The following IQSEC1 variants were observed in gnomAD, a reference collection of about 807,000 sequenced individuals.
IQSEC1 encodes the protein IQ motif and SEC7 domain-containing protein 1.
A neutral mutation model predicts 91.0 loss-of-function variants in IQSEC1; 31 were observed. That is an observed-to-expected ratio of 0.34 (90% CI 0.26 to 0.46). The LOEUF is 0.46. Among genes scored for constraint, IQSEC1 ranks in the 20% least tolerant of loss-of-function variants. The pLI is 1.00. For synonymous variants in IQSEC1, 699 were observed against 662.6 expected (o/e 1.05, Z -0.84); for missense variants, 1,388 against 1,575.6 (o/e 0.88, Z 2.02).
intron 3 of IQSEC1, among the ~76,000 whole-genome samples, chr3:12,928,646 C>A (rs913008200): frequency 1.3e-5 from 2 of 152,244 alleles, no homozygotes; most frequent in African/African-American, 4.8e-5. Context: ...CTTCCCCAAT[C>A]AGTCCTTGGT....
intron 1 of IQSEC1, among the ~76,000 whole-genome samples, chr3:12,990,167 C>G (rs532783791): frequency 6.6e-6 from 1 of 152,202 alleles, no homozygotes. Flanking sequence ...TGATAGCTTT[C>G]CACCAAGTCC....
At chr3:13,083,119 G>A (rs1262537116) in intron 2 of IQSEC1, among the ~76,000 whole-genome samples, 1 of 152,222 alleles carries the variant, frequency 6.6e-6, no homozygotes. Context: ...GACAATGTCT[G>A]TCAGTCACTG....
At chr3:13,141,077 G>A (rs1706792928) in intron 2 of IQSEC1, among the ~76,000 whole-genome samples, 1 of 152,244 alleles carries the variant, frequency 6.6e-6, no homozygotes, top group African/African-American at 2.4e-5. Context: ...AGAGTTTGAT[G>A]TTTATTTCCT....
rs1701364837 is a variant in IQSEC1, at chr3:12,979,799, A to G, written c.24-37934T>C. Among the ~76,000 whole-genome samples the G allele has an allele frequency of 6.6e-6, 1 of 152,170 alleles. No individual in the cohort carries two copies. The highest frequency in any genetic ancestry group is 1.5e-5 in the Non-Finnish European group (1 of 68,026). ...TCCAGGTGGTATGCTCCATGTCACC[A>G]AGAGCTGAGCCTGTGCCTCACCCGG... On this transcript the variant is annotated intron_variant, in intron 1 of 13. Coordinates refer to ENST00000613206, the MANE Select transcript of IQSEC1 (RefSeq NM_001134382.3). The surrounding 1 kb of genome is among the most constrained non-coding windows in gnomAD (Gnocchi z 4.3).
At chr3:13,028,338 C>T (rs577575123) in intron 1 of IQSEC1, among the ~76,000 whole-genome samples, 4 of 152,324 alleles carry the variant, frequency 2.6e-5, no homozygotes, top group South Asian at 2.1e-4. Flanking sequence ...GACTGCTCAC[C>T]GTCTGGCCTC....
At chr3:13,073,739 GCT>G (rs1362167357), upstream of IQSEC1, among the ~76,000 whole-genome samples, 1 of 152,266 alleles carries the variant, frequency 6.6e-6, no homozygotes, top group East Asian at 1.9e-4. Context: ...GAGCCGCGGA[GCT>G]CTCGGGGCTC....
rs555937253 is a variant in IQSEC1 at position 13,022,377 on chromosome 3, G to A, written c.23+50615C>T. 24 of 1,149,088 alleles carry A rather than the reference G, an allele frequency of 2.1e-5. No homozygotes were observed. The African/African-American group carries it at 2.7e-4, about 13-fold the overall frequency. The allele number at this position is 1,149,088 out of a possible 1,614,324, so 71.2% of individuals were successfully genotyped here. On this transcript the variant is annotated intron_variant, in intron 1 of 13. Transcript: ENST00000613206. ...CTGCTCCAGACCCTCCTGGCCAAGCGGCCCTCACACACTAGACCCTGTGGC... is the reference window on the plus strand; with the variant it reads ...CTGCTCCAGACCCTCCTGGCCAAGCAGCCCTCACACACTAGACCCTGTGGC...
intron 1 of IQSEC1, among the ~76,000 whole-genome samples, chr3:13,066,225 G>C (rs1224370209): frequency 6.6e-6 from 1 of 152,198 alleles, no homozygotes; most frequent in Non-Finnish European, 1.5e-5. Context: ...CAAACATGTG[G>C]TCGATCTGCA....
chr3:13,236,905 CT>C (rs1017618317), intron 1 of IQSEC1, among the ~76,000 whole-genome samples: 37 of 152,264 alleles, frequency 2.4e-4, no homozygotes, highest in African/African-American at 4.3e-4. Context: ...AAATGCCCCC[CT>C]CCAGCCAGGT....
At chr3:13,190,102 A>C (rs973105305) in intron 1 of IQSEC1, among the ~76,000 whole-genome samples, 1 of 152,234 alleles carries the variant, frequency 6.6e-6, no homozygotes, top group African/African-American at 2.4e-5. Context: ...CTCAGTGCAA[A>C]CTGGACTCCA....
At chr3:13,274,646 A>G (rs1436341772) in intron 1 of IQSEC1, among the ~76,000 whole-genome samples, 1 of 152,240 alleles carries the variant, frequency 6.6e-6, no homozygotes, top group African/African-American at 2.4e-5. Context: ...GTGAACAGCA[A>G]CTTTCTGGGA....
intron 1 of IQSEC1, among the ~76,000 whole-genome samples, chr3:13,009,075 C>G (rs1702758306): frequency 6.6e-6 from 1 of 152,208 alleles, no homozygotes; most frequent in South Asian, 2.1e-4. Context: ...TCCGAGAGAT[C>G]ACCACACAGG....
At chr3:13,005,392 C>A (rs2124867018) in intron 1 of IQSEC1, among the ~76,000 whole-genome samples, 1 of 152,296 alleles carries the variant, frequency 6.6e-6, no homozygotes, top group South Asian at 2.1e-4. Context: ...GAGCCAGGCA[C>A]CCCAGTGTTA....
rs145397872 is a variant in IQSEC1, at chr3:13,057,503, A to G, written c.23+15489T>C. 1.5e-4 allele frequency among the ~76,000 whole-genome samples: 23 copies of G among 152,352 alleles called. No homozygotes were observed. The East Asian group carries it at 4.4e-3, about 29-fold the overall frequency. ...CACCCTTAGCACCATACACATGCAGACACTACATGCACAACATGTGCAAGC... is the reference window on the plus strand; with the variant it reads ...CACCCTTAGCACCATACACATGCAGGCACTACATGCACAACATGTGCAAGC... On this transcript the variant is annotated intron_variant, in intron 1 of 13. Transcript: ENST00000613206.
intron 1 of IQSEC1, among the ~76,000 whole-genome samples, chr3:13,205,668 A>G (rs1694330793): frequency 6.7e-6 from 1 of 148,448 alleles, no homozygotes; most frequent in Non-Finnish European, 1.5e-5. Context: ...CCATCCACTC[A>G]TCCATCCATC....
intron 1 of IQSEC1, among the ~76,000 whole-genome samples, chr3:13,225,459 G>T (rs1694735591): frequency 6.6e-6 from 1 of 152,152 alleles, no homozygotes; most frequent in Non-Finnish European, 1.5e-5. Flanking sequence ...TCTCTCTCTG[G>T]AACATATGGG....
intron 1 of IQSEC1, among the ~76,000 whole-genome samples, chr3:13,274,122 A>T (rs1021881330): frequency 1.3e-5 from 2 of 152,056 alleles, no homozygotes; most frequent in African/African-American, 4.8e-5. Context: ...AGGCTACCCC[A>T]CCAGGTCCCA....
intron 1 of IQSEC1, among the ~76,000 whole-genome samples, chr3:13,208,979 C>G (rs571304162): frequency 5.4e-4 from 82 of 152,352 alleles, no homozygotes; most frequent in Admixed American, 1.8e-3. Flanking sequence ...ACCAACACCC[C>G]AAGGAAGCAG....
Position 13,066,499 on chromosome 3 carries a change from T to TCTGAG in IQSEC1, c.23+6488_23+6492dup, listed in dbSNP as rs570088824. 1.5e-3 allele frequency among the ~76,000 whole-genome samples: 231 copies of TCTGAG among 152,040 alleles called. 2 individuals are homozygous for TCTGAG. Among genetic ancestry groups the TCTGAG allele is most frequent in the African/African-American group, 4.0e-3 (164 of 41,466 alleles). On this transcript the variant is annotated intron_variant, in intron 1 of 13. Transcript: ENST00000613206. ...AAGAGGCACAGGCTGGGCTGTGAGG[T>TCTGAG]CTGAGGTGAAGGGGAAGAAGGGCAC...
Sources: allele counts gnomAD v4.1 joint callset (sites outside exome capture counted in the v4.1 genomes callset), GRCh38; gene constraint gnomAD v4.1.1; non-coding constraint Gnocchi (gnomAD v3.1); transcripts MANE v1.5; gene names NCBI Gene and HGNC (gene_info 2026-07-23, HGNC 2026-07-21).